Variants in TMEM117 observed in about 807,000 individuals in gnomAD.
The protein encoded by TMEM117 is transmembrane protein 117.
A neutral mutation model predicts 52.4 loss-of-function variants in TMEM117; 27 were observed. The observed-to-expected ratio is 0.51, with a 90% CI of 0.38 to 0.71. TMEM117 has a LOEUF of 0.71. TMEM117 is among the 30% of genes least tolerant of loss of function. TMEM117 has a pLI of 0.00. For missense variants in TMEM117, 556 were observed against 630.5 expected (o/e 0.88, Z 1.26); for synonymous variants, 215 against 206.3 (o/e 1.04, Z -0.36).
intron 2 of TMEM117, among the ~76,000 whole-genome samples, chr12:43,930,943 A>G (rs1944862238): frequency 6.6e-6 from 1 of 152,136 alleles, no homozygotes; most frequent in Non-Finnish European, 1.5e-5. Flanking sequence ...GGAGGCCAAA[A>G]CAGCTATTTC....
chr12:44,398,563 C>T, the TMEM117 span, among the ~76,000 whole-genome samples: 1 of 152,124 alleles, frequency 6.6e-6, no homozygotes, highest in Non-Finnish European at 1.5e-5. Context: ...TAGTCCCAAC[C>T]ACCAGACACA....
At chr12:44,232,760 A>G (rs901653684) in intron 5 of TMEM117, among the ~76,000 whole-genome samples, 6 of 151,334 alleles carry the variant, frequency 4.0e-5, no homozygotes, top group Non-Finnish European at 1.5e-5. Context: ...TGTGTCTTTA[A>G]TGTTTCTCAG....
intron 5 of TMEM117, among the ~76,000 whole-genome samples, chr12:44,218,407 C>T (rs1057171443): frequency 6.6e-6 from 1 of 152,006 alleles, no homozygotes; most frequent in African/African-American, 2.4e-5. Context: ...CCCAATAGTA[C>T]AGAAAAAGCA....
chr12:43,941,611 G>A (rs1405067113), intron 2 of TMEM117, among the ~76,000 whole-genome samples: 1 of 152,150 alleles, frequency 6.6e-6, no homozygotes, highest in Non-Finnish European at 1.5e-5. Context: ...TCTAACATTC[G>A]AGGGTTACTT....
At chr12:44,152,681 T>C (rs1351004541) in intron 4 of TMEM117, among the ~76,000 whole-genome samples, 2 of 133,536 alleles carry the variant, frequency 1.5e-5, no homozygotes, top group Non-Finnish European at 3.1e-5. Flanking sequence ...TTTTTATATA[T>C]ATAATATTTA....
chr12:44,293,144 T>G (rs1317456478), intron 5 of TMEM117, among the ~76,000 whole-genome samples: 6 of 152,178 alleles, frequency 3.9e-5, no homozygotes, highest in Non-Finnish European at 7.4e-5. Flanking sequence ...ACATTCTCTT[T>G]ATATATTGAC....
At chr12:44,208,732 T>G (rs904308870) in intron 4 of TMEM117, among the ~76,000 whole-genome samples, 11 of 148,576 alleles carry the variant, frequency 7.4e-5, no homozygotes, top group Non-Finnish European at 1.5e-4. Flanking sequence ...AATGTTTTTT[T>G]TTTTTTTTTT....
At chr12:43,940,005 G>A (rs576212615) in intron 2 of TMEM117, among the ~76,000 whole-genome samples, 1 of 152,174 alleles carries the variant, frequency 6.6e-6, no homozygotes, top group Non-Finnish European at 1.5e-5. Context: ...AACAGCACAG[G>A]AAAGATTCGC....
At chr12:44,029,519 C>T (rs73087702) in intron 3 of TMEM117, among the ~76,000 whole-genome samples, 6,390 of 152,220 alleles carry the variant, frequency 0.042, 173 homozygotes, top group Middle Eastern at 0.11. Context: ...CAAGTGGCTG[C>T]CCGAACTTTT....
At chr12:43,935,052 G>T (rs1457250848) in intron 2 of TMEM117, among the ~76,000 whole-genome samples, 1 of 151,662 alleles carries the variant, frequency 6.6e-6, no homozygotes, top group Non-Finnish European at 1.5e-5. Context: ...CTGTCACCCG[G>T]GCTGGAATGC....
intron 3 of TMEM117, among the ~76,000 whole-genome samples, chr12:44,022,794 A>G (rs1360460860): frequency 1.3e-5 from 2 of 152,234 alleles, no homozygotes; most frequent in Admixed American, 6.5e-5. Context: ...TCACATAGAT[A>G]TAGACTTCAC....
intron 3 of TMEM117, among the ~76,000 whole-genome samples, chr12:43,973,418 C>T (rs1262129137): frequency 6.6e-6 from 1 of 152,148 alleles, no homozygotes; most frequent in African/African-American, 2.4e-5. Context: ...TTAAGCTGAG[C>T]ACTCTTTAAG....
At chr12:44,124,391 T>C (rs953874780) in intron 3 of TMEM117, among the ~76,000 whole-genome samples, 15 of 152,214 alleles carry the variant, frequency 9.9e-5, no homozygotes, top group African/African-American at 3.6e-4. Flanking sequence ...GAATACGCTT[T>C]ATTTATTTCT....
intron 3 of TMEM117, among the ~76,000 whole-genome samples, chr12:44,105,836 C>A (rs527308355): frequency 3.3e-5 from 5 of 151,928 alleles, no homozygotes; most frequent in Non-Finnish European, 5.9e-5. Context: ...AAGAGCAGAG[C>A]GCTCTGTCAT....
At chr12:44,225,229 T>C (rs766615343) in intron 5 of TMEM117, among the ~76,000 whole-genome samples, 7 of 152,172 alleles carry the variant, frequency 4.6e-5, no homozygotes, top group Non-Finnish European at 1.0e-4. Context: ...TTCTAAAATA[T>C]AGTTGGCTGG....
intron 5 of TMEM117, among the ~76,000 whole-genome samples, chr12:44,282,831 A>G (rs1015125895): frequency 6.6e-6 from 1 of 152,224 alleles, no homozygotes; most frequent in African/African-American, 2.4e-5. Context: ...AGAGACCTTC[A>G]CAGCAGCATC....
At chr12:44,354,915 C>T (rs1255563485) in intron 6 of TMEM117, among the ~76,000 whole-genome samples, 1 of 152,008 alleles carries the variant, frequency 6.6e-6, no homozygotes, top group East Asian at 1.9e-4. Context: ...AATTTTATAT[C>T]TTCTAAATTC....
chr12:43,993,267 T>A (rs551249845), intron 3 of TMEM117, among the ~76,000 whole-genome samples: 1 of 152,220 alleles, frequency 6.6e-6, no homozygotes. Context: ...ATGGATGTTA[T>A]AGTAACACCT....
At chr12:43,887,759 A>G (rs1944023105) in intron 2 of TMEM117, among the ~76,000 whole-genome samples, 1 of 152,250 alleles carries the variant, frequency 6.6e-6, no homozygotes, top group Non-Finnish European at 1.5e-5. Context: ...GGGCTGGGGT[A>G]GCTTCAATAG....
Sources: gnomAD v4.1 joint callset for allele counts (sites outside exome capture counted in the v4.1 genomes callset) on GRCh38, gnomAD v4.1.1 for gene constraint, MANE v1.5 for transcripts, NCBI Gene and HGNC (gene_info 2026-07-23, HGNC 2026-07-21) for gene names.